VAPB: variants seen among roughly 807,000 people sequenced by gnomAD.
VAPB encodes the protein vesicle-associated membrane protein-associated protein B/C.
Under a neutral mutation model 25.6 loss-of-function variants are expected in VAPB, and 7 were observed. That is an observed-to-expected ratio of 0.27 (90% CI 0.16 to 0.51). VAPB has a LOEUF of 0.51. VAPB is among the 20% of genes least tolerant of loss of function. VAPB has a pLI of 0.97. For synonymous variants in VAPB, 112 were observed against 109.2 expected (o/e 1.03, Z -0.16); for missense variants, 266 against 301.3 (o/e 0.88, Z 0.87).
intron 2 of VAPB, among the ~76,000 whole-genome samples, chr20:58,422,470 T>G (rs1419910313): frequency 2.0e-5 from 3 of 152,230 alleles, no homozygotes; most frequent in Admixed American, 6.5e-5. Flanking sequence ...CGAATTGTTT[T>G]GAGGCAGTGG....
chr20:58,430,354 C>T (rs1308429915), intron 2 of VAPB, among the ~76,000 whole-genome samples: 1 of 151,770 alleles, frequency 6.6e-6, no homozygotes, highest in African/African-American at 2.4e-5. Flanking sequence ...TCCATCCTCC[C>T]AGGTTCAAGT....
At chr20:58,412,467 C>T (rs967359541) in intron 1 of VAPB, among the ~76,000 whole-genome samples, 2 of 149,310 alleles carry the variant, frequency 1.3e-5, no homozygotes, top group Non-Finnish European at 3.0e-5. Flanking sequence ...GTCCTAGCTA[C>T]TTGGGAGGTT....
intron 1 of VAPB, among the ~76,000 whole-genome samples, chr20:58,416,760 G>T (rs1988548745): frequency 7.5e-6 from 1 of 133,994 alleles, no homozygotes; most frequent in Admixed American, 7.0e-5. Context: ...ATATCAGATT[G>T]ATTTTTTTTT....
chr20:58,447,321 T>C lies in VAPB; in HGVS notation c.*3086T>C. ...GTGTGAGGAACTGGCTTTAACTTTT[T>C]TCTCCTCCTAGTTTGCATGTTTTCC... On this transcript the variant is annotated 3_prime_UTR_variant, in exon 6 of 6. Coordinates refer to ENST00000475243, the MANE Select transcript of VAPB (RefSeq NM_004738.5). The C allele has an allele frequency of 2.2e-6, 1 of 454,138 alleles. No homozygotes were observed. The highest frequency in any genetic ancestry group is 2.3e-5 in the Admixed American group (1 of 42,578). The allele number at this position is 454,138 out of a possible 1,614,324, so 28.1% of individuals were successfully genotyped here.
Position 58,450,766 on chromosome 20 carries a change from CT to C in VAPB, c.*6534del, listed in dbSNP as rs1400023963. 1 of 453,936 alleles carries C rather than the reference CT, an allele frequency of 2.2e-6. No homozygotes were observed. The highest frequency in any genetic ancestry group is 2.4e-5 in the Admixed American group (1 of 42,542). 28.1% of individuals were successfully genotyped at this position (453,936 alleles called of 1,614,324 possible). On this transcript the variant is annotated 3_prime_UTR_variant, in exon 6 of 6. Transcript: ENST00000475243. The stretch of plus-strand genomic sequence containing the variant: ...GTATCTTAAGAGATGTCTTAGAATG[CT>C]TTAGTTTTCATAATTTGTCCTTTAT...
intron 1 of VAPB, among the ~76,000 whole-genome samples, chr20:58,415,338 T>A (rs938353335): frequency 6.6e-6 from 1 of 152,236 alleles, no homozygotes; most frequent in Non-Finnish European, 1.5e-5. Flanking sequence ...TTCAGCAAAC[T>A]CACACAAATG....
Position 58,449,004 on chromosome 20 carries a change from AG to A in VAPB, c.*4770del, listed in dbSNP as rs1278687813. On this transcript the variant is annotated 3_prime_UTR_variant, in exon 6 of 6. Coordinates refer to ENST00000475243, the MANE Select transcript of VAPB (RefSeq NM_004738.5). ...AAGGGCCCTGCTGAGGTTTGAAAAC[AG>A]CTGAGCTGCTGATGTCTCAGGCCTT... The A allele has an allele frequency of 4.4e-6, 2 of 454,034 alleles. No individual in the cohort carries two copies. Among genetic ancestry groups the A allele is most frequent in the Non-Finnish European group, 8.8e-6 (2 of 226,802 alleles). 28.1% of individuals were successfully genotyped at this position (454,034 alleles called of 1,614,324 possible). A position where few individuals can be genotyped will look rare whatever the true frequency, so the allele number is the denominator to read the frequency against.
At chr20:58,426,557 C>G (rs572428559) in intron 2 of VAPB, among the ~76,000 whole-genome samples, 1 of 152,076 alleles carries the variant, frequency 6.6e-6, no homozygotes, top group East Asian at 1.9e-4. Flanking sequence ...GATGCGCACA[C>G]CTGTTGGAGC....
chr20:58,395,912 AAAAC>A lies in VAPB; in HGVS notation c.58+6403_58+6406del, dbSNP rs533411995. ...TGACAGTCACTTGAGGATTATTTAA[AAAAC>A]AAACAAAATAACTGAATGTGGTAAA... On this transcript the variant is annotated intron_variant, in intron 1 of 5. Coordinates refer to ENST00000475243, the MANE Select transcript of VAPB (RefSeq NM_004738.5). 1.2e-4 allele frequency among the ~76,000 whole-genome samples: 18 copies of A among 152,346 alleles called. No homozygotes were observed. The East Asian group carries it at 1.7e-3, about 15-fold the overall frequency.
intron 1 of VAPB, among the ~76,000 whole-genome samples, chr20:58,406,553 C>T (rs1988233736): frequency 6.6e-6 from 1 of 152,160 alleles, no homozygotes; most frequent in Non-Finnish European, 1.5e-5. Flanking sequence ...ATTGAAAATT[C>T]CAGTTGGATC....
At chr20:58,417,682 T>C (rs182573523) in intron 1 of VAPB, among the ~76,000 whole-genome samples, 1 of 152,336 alleles carries the variant, frequency 6.6e-6, no homozygotes, top group African/African-American at 2.4e-5. Context: ...TTACTGTGTT[T>C]ATAGACCATT....
At chr20:58,389,990 G>A in intron 1 of VAPB, 1 of 158,404 alleles carries the variant, frequency 6.3e-6, no homozygotes, top group Non-Finnish European at 1.4e-5. Flanking sequence ...TTCGTGGTCA[G>A]CACGGCACTT....
intron 3 of VAPB, among the ~76,000 whole-genome samples, chr20:58,438,188 T>C (rs906629791): frequency 2.0e-5 from 3 of 152,232 alleles, no homozygotes; most frequent in African/African-American, 7.2e-5. Flanking sequence ...CCGTTGGTAG[T>C]TGGCAGAGTG....
At chr20:58,441,791 T>C (rs747589550) in intron 5 of VAPB, among the ~76,000 whole-genome samples, 2 of 152,266 alleles carry the variant, frequency 1.3e-5, no homozygotes, top group Non-Finnish European at 2.9e-5. Flanking sequence ...AATACTGACC[T>C]ATACTCTGTT....
At chr20:58,411,438 C>A (rs1988375362) in intron 1 of VAPB, among the ~76,000 whole-genome samples, 2 of 152,258 alleles carry the variant, frequency 1.3e-5, no homozygotes, top group Admixed American at 1.3e-4. Context: ...TGGGCCACCA[C>A]ACCTGGCTAC....
chr20:58,443,196 C>A (rs1393421904), intron 5 of VAPB, among the ~76,000 whole-genome samples: 2 of 152,050 alleles, frequency 1.3e-5, no homozygotes, highest in Non-Finnish European at 2.9e-5. Context: ...GGTCAAATAT[C>A]TTTATATGTA....
chr20:58,421,593 A>G (rs549054062), intron 2 of VAPB, among the ~76,000 whole-genome samples: 1 of 152,352 alleles, frequency 6.6e-6, no homozygotes, highest in South Asian at 2.1e-4. Flanking sequence ...ATACCTGAGA[A>G]GGACATGACC....
chr20:58,412,958 G>A (rs997146365), intron 1 of VAPB, among the ~76,000 whole-genome samples: 3 of 152,072 alleles, frequency 2.0e-5, no homozygotes, highest in African/African-American at 4.8e-5. Flanking sequence ...ATTTTTTTAT[G>A]ACATTTTCAA....
intron 1 of VAPB, among the ~76,000 whole-genome samples, chr20:58,414,349 G>A (rs1440031431): frequency 1.3e-5 from 2 of 150,376 alleles, no homozygotes; most frequent in Non-Finnish European, 3.0e-5. Flanking sequence ...CCTCCCGGAC[G>A]GGGCGGCCGC....
Sources: gnomAD v4.1 joint callset for allele counts (sites outside exome capture counted in the v4.1 genomes callset) on GRCh38, gnomAD v4.1.1 for gene constraint, MANE v1.5 for transcripts, NCBI Gene and HGNC (gene_info 2026-07-23, HGNC 2026-07-21) for gene names.